The following ATF7 variants were observed in gnomAD, a reference collection of about 807,000 sequenced individuals.
ATF7 encodes the protein cyclic AMP-dependent transcription factor ATF-7.
ATF7 carries 10 observed loss-of-function variants against 50.4 expected under a neutral mutation model. The observed-to-expected ratio is 0.20, with a 90% CI of 0.12 to 0.34. The LOEUF is 0.34. Among genes scored for constraint, ATF7 ranks in the 10% least tolerant of loss-of-function variants. ATF7 has a pLI of 1.00. For missense variants in ATF7, 465 were observed against 613.9 expected (o/e 0.76, Z 2.56); for synonymous variants, 201 against 226.4 (o/e 0.89, Z 1.01).
chr12:53,611,042 G>A (rs1047570791), intron 1 of ATF7, among the ~76,000 whole-genome samples: 1 of 151,956 alleles, frequency 6.6e-6, no homozygotes, highest in Non-Finnish European at 1.5e-5. Context: ...GCCCAGGCTG[G>A]TCTCAAAATT....
intron 2 of ATF7, chr12:53,574,902 A>G: frequency 3.1e-6 from 1 of 325,132 alleles, no homozygotes; most frequent in Non-Finnish European, 5.9e-6. Flanking sequence ...GAGGGTGAGC[A>G]AGACTTTAGT....
intron 11 of ATF7, among the ~76,000 whole-genome samples, chr12:53,521,759 T>C (rs1938140519): frequency 6.6e-6 from 1 of 152,240 alleles, no homozygotes; most frequent in Non-Finnish European, 1.5e-5. Context: ...GGATTTAATC[T>C]AATTTATTTG....
At chr12:53,539,158 G>A (rs1939390997) in intron 4 of ATF7, among the ~76,000 whole-genome samples, 1 of 152,236 alleles carries the variant, frequency 6.6e-6, no homozygotes, top group African/African-American at 2.4e-5. Flanking sequence ...AATGCCCAGT[G>A]AGGAAAGGGC....
intron 4 of ATF7, among the ~76,000 whole-genome samples, chr12:53,539,474 G>C (rs567049834): frequency 6.6e-6 from 1 of 151,560 alleles, no homozygotes; most frequent in East Asian, 2.0e-4. Flanking sequence ...TGGGAGGATT[G>C]CTTGAGCCCA....
intron 1 of ATF7, among the ~76,000 whole-genome samples, chr12:53,611,926 AT>A (rs1298884638): frequency 3.3e-5 from 5 of 151,626 alleles, no homozygotes; most frequent in African/African-American, 1.2e-4. Context: ...TTGAAAAAAA[AT>A]CGGAAAGAAT....
chr12:53,580,853 T>C (rs1389838001), intron 2 of ATF7, among the ~76,000 whole-genome samples: 1 of 152,004 alleles, frequency 6.6e-6, no homozygotes, highest in Non-Finnish European at 1.5e-5. Context: ...GGCTCACACC[T>C]GTAACCCCAG....
At chr12:53,528,574 C>A (rs1022656243) in intron 9 of ATF7, among the ~76,000 whole-genome samples, 2 of 151,382 alleles carry the variant, frequency 1.3e-5, no homozygotes, top group Admixed American at 1.3e-4. Flanking sequence ...ACCAGCCTGG[C>A]CAACATGGTG....
intron 1 of ATF7, among the ~76,000 whole-genome samples, chr12:53,616,808 A>T (rs1944143529): frequency 6.6e-6 from 1 of 151,618 alleles, no homozygotes; most frequent in African/African-American, 2.4e-5. Flanking sequence ...AGCCAGGTGT[A>T]GCAGCGTGTG....
intron 2 of ATF7, among the ~76,000 whole-genome samples, chr12:53,590,208 G>A (rs1942883151): frequency 6.6e-6 from 1 of 152,094 alleles, no homozygotes; most frequent in Admixed American, 6.6e-5. Context: ...AAATAAAAAC[G>A]TCCATTTCTT....
intron 1 of ATF7, among the ~76,000 whole-genome samples, chr12:53,622,171 G>A (rs1387827943): frequency 6.6e-6 from 1 of 151,898 alleles, no homozygotes; most frequent in Non-Finnish European, 1.5e-5. Flanking sequence ...CATGGATGGC[G>A]GGCACCTGTA....
chr12:53,552,483 G>A, intron 3 of ATF7, 58 bp downstream of exon 3: 1 of 1,310,158 alleles, frequency 7.6e-7, no homozygotes, highest in Non-Finnish European at 1.1e-6. Context: ...CTGGTCTCTG[G>A]TATTAATCTT....
At chr12:53,535,328 C>CAA (rs397938442) in intron 5 of ATF7, among the ~76,000 whole-genome samples, 29 of 64,946 alleles carry the variant, frequency 4.5e-4, no homozygotes, top group Non-Finnish European at 7.0e-4. Flanking sequence ...GACTCTGCCT[C>CAA]AAAAAAAAAA....
chr12:53,614,072 A>G (rs1159462166), intron 1 of ATF7, among the ~76,000 whole-genome samples: 1 of 152,164 alleles, frequency 6.6e-6, no homozygotes. Context: ...AGGCTGAATC[A>G]TAAGTTAGGC....
intron 9 of ATF7, among the ~76,000 whole-genome samples, chr12:53,529,956 C>T (rs1051542874): frequency 2.0e-5 from 3 of 151,740 alleles, no homozygotes. Flanking sequence ...GTTGGTCAGT[C>T]TGGTCTCGAA....
rs549896930 is a variant in ATF7, at chr12:53,565,777, G to T, written c.49-13140C>A. On this transcript the variant is annotated intron_variant, in intron 2 of 11. Coordinates refer to ENST00000420353, the MANE Select transcript of ATF7 (RefSeq NM_006856.3). ...CAAAGTGCTGGGATTACAGGTGTGA[G>T]CCCCTGTGCCTGGCCCCCTTCTCTT... Among the ~76,000 whole-genome samples the T allele has an allele frequency of 2.2e-4, 33 of 152,262 alleles. No homozygotes were observed. In the South Asian group the frequency reaches 6.8e-3, roughly 32 times the overall value.
intron 2 of ATF7, among the ~76,000 whole-genome samples, chr12:53,585,447 G>T (rs1003090104): frequency 2.6e-5 from 4 of 151,942 alleles, no homozygotes; most frequent in African/African-American, 4.8e-5. Flanking sequence ...AGGACAGGAG[G>T]TATATGAGAA....
chr12:53,610,564 C>CAAAAAA (rs528813775), intron 1 of ATF7, among the ~76,000 whole-genome samples: 1 of 55,054 alleles, frequency 1.8e-5, no homozygotes, highest in African/African-American at 5.8e-5. Flanking sequence ...GACTCTGTCT[C>CAAAAAA]AAAAAAAAAA....
At chr12:53,509,751 C>T (rs1217430514), downstream of ATF7, among the ~76,000 whole-genome samples, 2 of 152,070 alleles carry the variant, frequency 1.3e-5, no homozygotes, top group Non-Finnish European at 1.5e-5. Flanking sequence ...AGCAATCCAC[C>T]CACCTTGGCA....
intron 2 of ATF7, among the ~76,000 whole-genome samples, chr12:53,589,290 T>G (rs768637814): frequency 6.6e-6 from 1 of 152,208 alleles, no homozygotes; most frequent in Non-Finnish European, 1.5e-5. Flanking sequence ...CCTCAGAGGT[T>G]GCTAGGATTA....
Sources: allele counts gnomAD v4.1 joint callset (sites outside exome capture counted in the v4.1 genomes callset), GRCh38; gene constraint gnomAD v4.1.1; transcripts MANE v1.5; gene names NCBI Gene and HGNC (gene_info 2026-07-23, HGNC 2026-07-21).